The following REEP1 variants were observed in gnomAD, a reference collection of about 807,000 sequenced individuals.
REEP1 encodes receptor expression-enhancing protein 1.
In REEP1, 22 loss-of-function variants were observed where a neutral mutation model predicts 40.3. The observed-to-expected ratio is 0.55, with a 90% CI of 0.39 to 0.78. The LOEUF is 0.78. REEP1 is among the 30% of genes least tolerant of loss of function. The pLI, the probability that REEP1 is intolerant of heterozygous loss-of-function variation, is 0.00. For synonymous variants in REEP1, 116 were observed against 139.2 expected (o/e 0.83, Z 1.17); for missense variants, 280 against 361.1 (o/e 0.78, Z 1.82).
At chr2:86,285,767 G>C (rs1195356685) in intron 1 of REEP1, among the ~76,000 whole-genome samples, 2 of 152,220 alleles carry the variant, frequency 1.3e-5, no homozygotes, top group Non-Finnish European at 2.9e-5. Context: ...TGCTTGAAAT[G>C]TCTGTTGAGT....
chr2:86,258,965 T>C (rs1420845943), intron 3 of REEP1, among the ~76,000 whole-genome samples: 1 of 152,132 alleles, frequency 6.6e-6, no homozygotes, highest in Non-Finnish European at 1.5e-5. Context: ...GCAATAAATG[T>C]GTATAGAGCA....
At chr2:86,252,094 C>T (rs1430073871) in intron 4 of REEP1, 24 bp from the exon 5 acceptor site, 4 of 1,498,276 alleles carry the variant, frequency 2.7e-6, no homozygotes, top group Admixed American at 3.3e-5. Flanking sequence ...AACAGAGGCA[C>T]ACTGAGCTGG....
intron 1 of REEP1, among the ~76,000 whole-genome samples, chr2:86,309,598 G>C (rs1313531624): frequency 1.3e-5 from 2 of 152,192 alleles, no homozygotes; most frequent in Non-Finnish European, 2.9e-5. Flanking sequence ...GGAAGCTGGA[G>C]GTCTGTGATC....
At chr2:86,330,414 G>GGT (rs55660803) in intron 1 of REEP1, among the ~76,000 whole-genome samples, 22,793 of 127,614 alleles carry the variant, frequency 0.18, 2,006 homozygotes, top group Non-Finnish European at 0.2. Flanking sequence ...AGTGAATCCT[G>GGT]GTGTGTGTGT....
intron 1 of REEP1, among the ~76,000 whole-genome samples, chr2:86,302,771 G>C (rs771695232): frequency 1.3e-5 from 2 of 152,186 alleles, no homozygotes; most frequent in Non-Finnish European, 2.9e-5. Context: ...TATTCAAAAA[G>C]TCTTAAGGAC....
intron 6 of REEP1, 83 bp from the exon 7 acceptor site, chr2:86,227,481 G>C (rs1000010099): frequency 1.8e-6 from 2 of 1,103,576 alleles, no homozygotes; most frequent in African/African-American, 3.2e-5. Flanking sequence ...AGGCCCTGGA[G>C]AGGTGTGGGG....
intron 1 of REEP1, among the ~76,000 whole-genome samples, chr2:86,283,331 A>G: frequency 6.6e-6 from 1 of 152,186 alleles, no homozygotes; most frequent in East Asian, 1.9e-4. Context: ...CACCTGACAG[A>G]TGAGGTCACC....
At chr2:86,218,485 T>A (rs1174205184) in intron 8 of REEP1, among the ~76,000 whole-genome samples, 1 of 152,232 alleles carries the variant, frequency 6.6e-6, no homozygotes, top group Non-Finnish European at 1.5e-5. Context: ...AGGAAATGCT[T>A]ACCAGCCACC....
At chr2:86,236,412 T>C (rs776590950) in intron 5 of REEP1, among the ~76,000 whole-genome samples, 1 of 152,222 alleles carries the variant, frequency 6.6e-6, no homozygotes, top group Non-Finnish European at 1.5e-5. Flanking sequence ...ATTGGTATTC[T>C]GCAAAATTGG....
At chr2:86,301,956 C>A (rs763091954) in intron 1 of REEP1, among the ~76,000 whole-genome samples, 1 of 152,190 alleles carries the variant, frequency 6.6e-6, no homozygotes, top group African/African-American at 2.4e-5. Flanking sequence ...GTCATGACCT[C>A]CCCCCACCAT....
At chr2:86,224,192 T>C (rs1300514789) in intron 7 of REEP1, among the ~76,000 whole-genome samples, 2 of 152,192 alleles carry the variant, frequency 1.3e-5, no homozygotes, top group Non-Finnish European at 2.9e-5. Flanking sequence ...AATGTTCCTG[T>C]CTGCTGAGGG....
In REEP1 at chr2:86,215,109, ATTC is replaced by A. The variant is rs570217783; in HGVS notation, c.*1927_*1929del. The A allele has an allele frequency of 8.9e-5, 12 of 134,634 alleles. No individual in the cohort carries two copies. The highest frequency in any genetic ancestry group is 4.8e-4 in the South Asian group (2 of 4,168). The allele number at this position is 134,634 out of a possible 1,614,324, so 8.3% of individuals were successfully genotyped here. A position where few individuals can be genotyped will look rare whatever the true frequency, so the allele number is the denominator to read the frequency against. ...CAGGTAAATACATTTTAAAGAGTAT[ATTC>A]TTCTTCTGTCTGGAACTACTCAATG... On this transcript the variant is annotated 3_prime_UTR_variant, in exon 9 of 9. Transcript: ENST00000538924.
chr2:86,304,363 A>G (rs1679391279), intron 1 of REEP1, among the ~76,000 whole-genome samples: 1 of 152,218 alleles, frequency 6.6e-6, no homozygotes, highest in Admixed American at 6.5e-5. Flanking sequence ...TACGGATGCC[A>G]CCACAATTCC....
rs1213869232 is a variant in REEP1 at position 86,216,921 on chromosome 2, T to C, written c.*118A>G. 3 of 783,728 alleles carry C rather than the reference T, an allele frequency of 3.8e-6. No individual in the cohort carries two copies. Among genetic ancestry groups the C allele is most frequent in the Non-Finnish European group, 6.5e-6 (3 of 461,826 alleles). 48.5% of individuals were successfully genotyped at this position (783,728 alleles called of 1,614,324 possible). A position where few individuals can be genotyped will look rare whatever the true frequency, so the allele number is the denominator to read the frequency against. ...GGAAGGGGAGAGAGAAAAGGCCATGTTTGTGAGGCTGCACACTCAAAGCAC... is the reference window on the plus strand; with the variant it reads ...GGAAGGGGAGAGAGAAAAGGCCATGCTTGTGAGGCTGCACACTCAAAGCAC... On this transcript the variant is annotated 3_prime_UTR_variant, in exon 9 of 9. Coordinates refer to ENST00000538924, the MANE Select transcript of REEP1 (RefSeq NM_001371279.1).
intron 1 of REEP1, among the ~76,000 whole-genome samples, chr2:86,311,834 C>A (rs1457045418): frequency 6.6e-6 from 1 of 152,132 alleles, no homozygotes; most frequent in Non-Finnish European, 1.5e-5. Context: ...TAGAAGCTAC[C>A]TGCCATGTAA....
Position 86,217,129 on chromosome 2 carries a change from A to C in REEP1, c.784-19T>G, listed in dbSNP as rs141722767. ...GCGGTGCCTGGTAGAGAAAACAGAA[A>C]GGTGTCCCTCAGTTTGGTGTAAATG... is the stretch of plus-strand genomic sequence containing the variant. On this transcript the variant is annotated intron_variant, in intron 8 of 8. Transcript: ENST00000538924. 45,980 of 1,606,884 alleles carry C rather than the reference A, an allele frequency of 0.029. 833 individuals are homozygous for C. Among genetic ancestry groups the C allele is most frequent in the Non-Finnish European group, 0.034 (40,301 of 1,173,946 alleles).
At chr2:86,292,901 G>C (rs185582895) in intron 1 of REEP1, among the ~76,000 whole-genome samples, 1 of 152,054 alleles carries the variant, frequency 6.6e-6, no homozygotes, top group Non-Finnish European at 1.5e-5. Flanking sequence ...TGCATGTGTC[G>C]GTCTGGCAGA....
chr2:86,227,227 A>T (rs1187212829), intron 7 of REEP1, 136 bp downstream of exon 7: 13 of 601,492 alleles, frequency 2.2e-5, no homozygotes, highest in Non-Finnish European at 3.2e-5. Context: ...TTGCTGTTAT[A>T]AAGGGTTAAC....
At chr2:86,221,296 A>C (rs777089864) in intron 7 of REEP1, among the ~76,000 whole-genome samples, 4 of 152,194 alleles carry the variant, frequency 2.6e-5, no homozygotes, top group Non-Finnish European at 4.4e-5. Flanking sequence ...GCAGCACAAC[A>C]TGCAAAGCTG....
Sources: allele counts gnomAD v4.1 joint callset (sites outside exome capture counted in the v4.1 genomes callset), GRCh38; gene constraint gnomAD v4.1.1; transcripts MANE v1.5; gene names NCBI Gene and HGNC (gene_info 2026-07-23, HGNC 2026-07-21).